The following RALYL variants were observed in gnomAD, a reference collection of about 807,000 sequenced individuals.
RALYL encodes the protein RNA-binding Raly-like protein.
RALYL carries 29 observed loss-of-function variants against 35.1 expected under a neutral mutation model. That is an observed-to-expected ratio of 0.83 (90% CI 0.61 to 1.13). The LOEUF (loss-of-function observed/expected upper bound fraction) is 1.13, where lower values mean the gene tolerates loss of function less well. Ranked by LOEUF, RALYL falls within the 50% of genes most tolerant of loss-of-function variation. The pLI, the probability that RALYL is intolerant of heterozygous loss-of-function variation, is 0.00. For synonymous variants in RALYL, 120 were observed against 127.6 expected (o/e 0.94, Z 0.40); for missense variants, 359 against 360.4 (o/e 1.00, Z 0.03).
intron 2 of RALYL, 75 bp downstream of exon 2, chr8:84,529,652 C>A: frequency 7.3e-7 from 1 of 1,378,846 alleles, no homozygotes. Context: ...CAAAACCCAA[C>A]ACCACTGTTG....
chr8:84,489,163 A>G (rs1174803452), intron 1 of RALYL, among the ~76,000 whole-genome samples: 1 of 152,010 alleles, frequency 6.6e-6, no homozygotes, highest in Non-Finnish European at 1.5e-5. Flanking sequence ...TTTCATCTCT[A>G]TCTTTACAGT....
intron 1 of RALYL, among the ~76,000 whole-genome samples, chr8:84,434,562 A>G (rs887380193): frequency 6.6e-6 from 1 of 152,196 alleles, no homozygotes; most frequent in Non-Finnish European, 1.5e-5. Context: ...CGTGCCAGTT[A>G]TACCTTAGCC....
At chr8:84,757,681 A>T (rs140889017) in intron 2 of RALYL, among the ~76,000 whole-genome samples, 1 of 152,184 alleles carries the variant, frequency 6.6e-6, no homozygotes, top group Non-Finnish European at 1.5e-5. Flanking sequence ...TGGCTAGTAC[A>T]TATATTTGGT....
intron 2 of RALYL, among the ~76,000 whole-genome samples, chr8:84,589,073 T>C (rs1054886447): frequency 1.3e-5 from 2 of 152,096 alleles, no homozygotes; most frequent in Non-Finnish European, 2.9e-5. Flanking sequence ...AATTTTTGTA[T>C]TTTTAGTAGA....
At chr8:84,340,105 C>T (rs1240736394) in intron 1 of RALYL, among the ~76,000 whole-genome samples, 1 of 152,040 alleles carries the variant, frequency 6.6e-6, no homozygotes, top group Non-Finnish European at 1.5e-5. Context: ...GGCTTTGCTC[C>T]TCCTTTGCCT....
intron 1 of RALYL, among the ~76,000 whole-genome samples, chr8:84,399,571 G>T (rs1010900621): frequency 6.6e-6 from 1 of 152,116 alleles, no homozygotes; most frequent in South Asian, 2.1e-4. Flanking sequence ...CAGCCCTCTG[G>T]TTTTTAACTC....
chr8:84,277,411 G>T (rs907269463), intron 1 of RALYL, among the ~76,000 whole-genome samples: 2 of 152,128 alleles, frequency 1.3e-5, no homozygotes, highest in African/African-American at 4.8e-5. Context: ...AATTAAAGGT[G>T]AGATTTGGGT....
At chr8:84,549,406 G>T (rs2060571371) in intron 2 of RALYL, among the ~76,000 whole-genome samples, 1 of 152,198 alleles carries the variant, frequency 6.6e-6, no homozygotes, top group Non-Finnish European at 1.5e-5. Context: ...AGACTTGAGG[G>T]TCATCTTTTT....
At chr8:84,797,692 G>C (rs927125480) in intron 3 of RALYL, among the ~76,000 whole-genome samples, 6 of 152,106 alleles carry the variant, frequency 3.9e-5, no homozygotes, top group African/African-American at 1.4e-4. Flanking sequence ...AATTCCTAAA[G>C]GGTAGACAAA....
At chr8:84,829,373 C>T (rs1830399273) in intron 4 of RALYL, 1 of 153,060 alleles carries the variant, frequency 6.5e-6, no homozygotes, top group Admixed American at 6.5e-5. Context: ...ACCAAGCCTT[C>T]TGGGAGATGT....
At chr8:84,423,011 A>G (rs2045860049) in intron 1 of RALYL, among the ~76,000 whole-genome samples, 1 of 149,128 alleles carries the variant, frequency 6.7e-6, no homozygotes, top group Non-Finnish European at 1.5e-5. Flanking sequence ...GGTGCTGAAA[A>G]AAATGTATAT....
At chr8:84,493,508 G>A (rs993295006) in intron 1 of RALYL, among the ~76,000 whole-genome samples, 2 of 152,072 alleles carry the variant, frequency 1.3e-5, no homozygotes, top group Non-Finnish European at 2.9e-5. Flanking sequence ...TTCCACAATG[G>A]TTGAACTGAT....
chr8:84,497,929 C>T (rs1299327487), intron 1 of RALYL, among the ~76,000 whole-genome samples: 1 of 149,466 alleles, frequency 6.7e-6, no homozygotes, highest in South Asian at 2.1e-4. Context: ...GTGTGAGGAA[C>T]CACGCCCAGC....
At chr8:84,757,005 C>T (rs1259452583) in intron 2 of RALYL, among the ~76,000 whole-genome samples, 1 of 151,988 alleles carries the variant, frequency 6.6e-6, no homozygotes, top group Non-Finnish European at 1.5e-5. Context: ...TAGCTTGCCT[C>T]TCTCTTAAAC....
At chr8:84,294,192 G>C (rs943732936) in intron 1 of RALYL, among the ~76,000 whole-genome samples, 8 of 151,974 alleles carry the variant, frequency 5.3e-5, no homozygotes, top group Non-Finnish European at 1.0e-4. Context: ...ATGTAAGAAG[G>C]GTTTAAAAGA....
chr8:84,547,537 G>A (rs548584576), intron 2 of RALYL, among the ~76,000 whole-genome samples: 7 of 151,750 alleles, frequency 4.6e-5, no homozygotes, highest in Non-Finnish European at 1.0e-4. Context: ...CTGCTACCAC[G>A]CCCGTCTAAT....
intron 2 of RALYL, among the ~76,000 whole-genome samples, chr8:84,743,643 C>A (rs957228970): frequency 6.6e-6 from 1 of 151,952 alleles, no homozygotes; most frequent in Admixed American, 6.6e-5. Flanking sequence ...ACCAAGACAT[C>A]AGGTCACATC....
intron 2 of RALYL, among the ~76,000 whole-genome samples, chr8:84,663,359 T>A (rs556562336): frequency 6.6e-6 from 1 of 152,192 alleles, no homozygotes; most frequent in Admixed American, 6.6e-5. Flanking sequence ...AGTAATGAGA[T>A]TGCTGGAGGG....
In RALYL at chr8:84,466,678, C is replaced by T. The variant is rs2051713366; in HGVS notation, c.-23-62621C>T. Among the ~76,000 whole-genome samples, 5 of 151,656 alleles carry T rather than the reference C, an allele frequency of 3.3e-5. No individual in the cohort carries two copies. In the South Asian group the frequency reaches 1.0e-3, roughly 32 times the overall value. On this transcript the variant is annotated intron_variant, in intron 1 of 8. Coordinates refer to ENST00000521268, the MANE Select transcript of RALYL (RefSeq NM_173848.7). ...CTCATAAAATGAGTTAGGGAGGATT[C>T]CCTCTTTTTCTATTGATTAGAATAG... is the stretch of plus-strand genomic sequence containing the variant.
Sources: gnomAD v4.1 joint callset for allele counts (sites outside exome capture counted in the v4.1 genomes callset) on GRCh38, gnomAD v4.1.1 for gene constraint, MANE v1.5 for transcripts, NCBI Gene and HGNC (gene_info 2026-07-23, HGNC 2026-07-21) for gene names.